MPST: variants seen among roughly 807,000 people sequenced by gnomAD.
MPST encodes 3-mercaptopyruvate sulfurtransferase.
MPST carries 27 observed loss-of-function variants against 28.5 expected under a neutral mutation model. The observed-to-expected ratio is 0.95, with a 90% CI of 0.70 to 1.31. The LOEUF (loss-of-function observed/expected upper bound fraction) is 1.31, where lower values mean the gene tolerates loss of function less well. Ranked by LOEUF, MPST falls within the 50% of genes most tolerant of loss-of-function variation. The pLI, the probability that MPST is intolerant of heterozygous loss-of-function variation, is 0.00. For synonymous variants in MPST, 204 were observed against 209.3 expected (o/e 0.97, Z 0.22); for missense variants, 492 against 471.1 (o/e 1.04, Z -0.41).
chr22:37,022,312 A>G (rs1047761968), intron 1 of MPST, among the ~76,000 whole-genome samples: 5 of 152,110 alleles, frequency 3.3e-5, no homozygotes, highest in African/African-American at 1.2e-4. Flanking sequence ...CTGCCACCCC[A>G]GGCAAACATA....
rs1474930436 is a variant in MPST, at chr22:37,024,816, G to T, written c.655+6G>T. ...CGAGCCCGAGCCCCGAGACGGTAAC[G>T]CGGGGGAAGGGGGCAGGAGGTCGTC... On this transcript the variant is annotated splice_donor_region_variant and intron_variant, in intron 2 of 2. Transcript: ENST00000429360. The T allele has an allele frequency of 1.9e-6, 3 of 1,603,966 alleles. No individual in the cohort carries two copies. The highest frequency in any genetic ancestry group is 1.7e-6 in the Non-Finnish European group (2 of 1,179,020).
intron 2 of MPST, chr22:37,026,819 G>A (rs1461114199): frequency 1.3e-5 from 2 of 152,460 alleles, no homozygotes; most frequent in African/African-American, 4.8e-5. Context: ...ACCGATACAT[G>A]GGTCAGCAGC....
At chr22:37,023,648 C>A in intron 1 of MPST, 1 of 455,278 alleles carries the variant, frequency 2.2e-6, no homozygotes, top group Non-Finnish European at 3.0e-6. Context: ...ACTCATTCAA[C>A]ACATACTGGA....
rs1923285775 is a variant in MPST at position 37,024,174 on chromosome 22, A to G, written c.37-18A>G. On this transcript the variant is annotated intron_variant, in intron 1 of 2. Transcript: ENST00000429360. The stretch of plus-strand genomic sequence containing the variant: ...GGCCTCTCCCTGCTTCCCTTCTGAC[A>G]TCCTCCCTGTCGCCCAGGCCCGCAG... 7.3e-7 allele frequency: 1 copy of G among 1,371,514 alleles called. No homozygotes were observed. Among genetic ancestry groups the G allele is most frequent in the Non-Finnish European group, 9.3e-7 (1 of 1,070,010 alleles). The allele number at this position is 1,371,514 out of a possible 1,614,324, so 85.0% of individuals were successfully genotyped here.
intron 1 of MPST, 73 bp downstream of exon 1, chr22:37,019,945 G>A: frequency 6.6e-6 from 5 of 757,552 alleles, no homozygotes; most frequent in Non-Finnish European, 9.0e-6. Context: ...CTCGGCGCGG[G>A]GCTCCCGCGC....
intron 2 of MPST, chr22:37,025,122 C>CATGAG: frequency 3.5e-6 from 5 of 1,428,030 alleles, no homozygotes; most frequent in Non-Finnish European, 4.6e-6. Context: ...AAGGCCACTG[C>CATGAG]ATGAGGTGGG....
intron 1 of MPST, 48 bp from the exon 2 acceptor site, chr22:37,024,144 A>C: frequency 7.3e-7 from 1 of 1,362,084 alleles, no homozygotes; most frequent in Non-Finnish European, 9.4e-7. Context: ...CCTAGCCCCA[A>C]CAGCGGCCTC....
Position 37,029,393 on chromosome 22 carries a change from C to T in MPST, c.833C>T (p.Ala278Val). 1 of 1,613,950 alleles carries T rather than the reference C, an allele frequency of 6.2e-7. No individual in the cohort carries two copies. Among genetic ancestry groups the T allele is most frequent in the Non-Finnish European group, 8.5e-7 (1 of 1,180,050 alleles). The change falls in exon 3 of 3, where the codon GCA (alanine) becomes GTA (valine). Residue 278 changes from alanine to valine, a missense_variant. Transcript: ENST00000429360. ...TCTGGCGTCACAGCCTGCCACGTGGCACTAGGGGCCTACCTCTGCGGCAAG... is the reference window on the plus strand; with the variant it reads ...TCTGGCGTCACAGCCTGCCACGTGGTACTAGGGGCCTACCTCTGCGGCAAG... ...CGSGVTACHV[A>V]LGAYLCGKPD...
chr22:37,024,964 C>CTTTCCCCCT (rs1299244304), intron 2 of MPST, 154 bp downstream of exon 2: 2 of 1,509,498 alleles, frequency 1.3e-6, no homozygotes, highest in Admixed American at 3.9e-5. Context: ...CCCTTCCCTC[C>CTTTCCCCCT]TTTCCCCCTT....
chr22:37,028,880 T>C (rs1445166144), intron 2 of MPST: 6 of 247,236 alleles, frequency 2.4e-5, no homozygotes, highest in Admixed American at 1.5e-4. Flanking sequence ...CTGCACGTTC[T>C]AGCTAGGCAG....
At chr22:37,020,974 A>G (rs1257320993) in intron 1 of MPST, among the ~76,000 whole-genome samples, 1 of 151,918 alleles carries the variant, frequency 6.6e-6, no homozygotes, top group Admixed American at 6.6e-5. Context: ...CCTCTTTTTA[A>G]AAAAAGGTTT....
chr22:37,019,818 G>T lies in MPST; in HGVS notation c.-19G>T. On this transcript the variant is annotated 5_prime_UTR_variant, in exon 1 of 3. Transcript: ENST00000429360. Reference sequence around the variant, plus strand: ...GGACAGCTGCGGGCGCGGGGAGGGGGCGCCGCGCCGCGGGGGCCATGGCGG... The same window carrying T: ...GGACAGCTGCGGGCGCGGGGAGGGGTCGCCGCGCCGCGGGGGCCATGGCGG... 8.5e-7 allele frequency: 1 copy of T among 1,178,592 alleles called. No homozygotes were observed. The highest frequency in any genetic ancestry group is 1.6e-5 in the African/African-American group (1 of 63,554). 73.0% of individuals were successfully genotyped at this position (1,178,592 alleles called of 1,614,324 possible).
chr22:37,023,956 G>A (rs1446172216), intron 1 of MPST: 3 of 1,519,482 alleles, frequency 2.0e-6, no homozygotes, highest in East Asian at 2.6e-5. Context: ...GGCTCTCCGG[G>A]AGGTCATGGT....
chr22:37,020,252 C>CT (rs1381593430), intron 1 of MPST: 1 of 187,308 alleles, frequency 5.3e-6, no homozygotes, highest in Non-Finnish European at 1.1e-5. Flanking sequence ...TGGCACTTTG[C>CT]TGGGTACTCC....
chr22:37,024,861 C>T, intron 2 of MPST, 51 bp downstream of exon 2: 1 of 1,583,194 alleles, frequency 6.3e-7, no homozygotes, highest in Non-Finnish European at 8.6e-7. Context: ...GCCTCTACGC[C>T]CTGAGCAGTG....
intron 2 of MPST, 168 bp from the exon 3 acceptor site, chr22:37,029,047 TA>T: frequency 3.0e-6 from 2 of 675,630 alleles, no homozygotes; most frequent in South Asian, 1.9e-5. Flanking sequence ...GGGGCTCCTC[TA>T]AACAGTGCTC....
rs761967107 is a variant in MPST at position 37,024,433 on chromosome 22, A to T, written c.278A>T (p.Asp93Val). 1 of 1,544,892 alleles carries T rather than the reference A, an allele frequency of 6.5e-7. No individual in the cohort carries two copies. Among genetic ancestry groups the T allele is most frequent in the Admixed American group, 1.9e-5 (1 of 51,646 alleles). ...DQCSDRTSPYDHMLPGAEHFA... is the reference protein window; with the variant it reads ...DQCSDRTSPYVHMLPGAEHFA... ...TGCAGCGACCGCACCTCGCCCTACGACCACATGCTGCCCGGGGCCGAGCAT... is the reference window on the plus strand; with the variant it reads ...TGCAGCGACCGCACCTCGCCCTACGTCCACATGCTGCCCGGGGCCGAGCAT... The change falls in exon 2 of 3, where the codon GAC (aspartate) becomes GTC (valine). Residue 93 changes from aspartate (D) to valine (V), a missense_variant. Asp to Val is a radical substitution (Grantham distance 152). Coordinates refer to ENST00000429360, the MANE Select transcript of MPST (RefSeq NM_021126.8).
intron 1 of MPST, among the ~76,000 whole-genome samples, chr22:37,021,575 C>T (rs1263007875): frequency 2.6e-5 from 4 of 152,074 alleles, no homozygotes; most frequent in African/African-American, 4.8e-5. Flanking sequence ...CAGGTTCAAG[C>T]GATTCTCCTG....
In MPST at chr22:37,029,259, C is replaced by T. The variant is rs1454557740; in HGVS notation, c.699C>T (p.Phe233=). ...GHIPGTVNIP[F]TDFLSQEGLE... is the part of the protein sequence containing the mutation. ...TCCCAGGTACCGTGAACATCCCCTT[C>T]ACAGACTTCCTGAGCCAGGAGGGGC... The change falls in exon 3 of 3, where the codon TTC becomes TTT. Residue 233 remains phenylalanine (F), a synonymous_variant. Transcript: ENST00000429360. 3.7e-6 allele frequency: 6 copies of T among 1,614,068 alleles called. No individual in the cohort carries two copies. Among genetic ancestry groups the T allele is most frequent in the Non-Finnish European group, 5.1e-6 (6 of 1,180,034 alleles).
Sources: allele counts gnomAD v4.1 joint callset (sites outside exome capture counted in the v4.1 genomes callset), GRCh38; gene constraint gnomAD v4.1.1; transcripts MANE v1.5; gene names NCBI Gene and HGNC (gene_info 2026-07-23, HGNC 2026-07-21).